The following GAP43 variants were observed in gnomAD, a reference collection of about 807,000 sequenced individuals.
GAP43 encodes neuromodulin.
Under a neutral mutation model 18.6 loss-of-function variants are expected in GAP43, and 6 were observed. That is an observed-to-expected ratio of 0.32 (90% CI 0.18 to 0.64). GAP43 has a LOEUF of 0.64. Ranked by LOEUF, GAP43 falls within the 30% of genes least tolerant of loss-of-function variation. The pLI is 0.78. For synonymous variants in GAP43, 115 were observed against 111.4 expected (o/e 1.03, Z -0.20); for missense variants, 292 against 295.5 (o/e 0.99, Z 0.09).
At chr3:115,624,341 G>A (rs549372206) in intron 1 of GAP43, among the ~76,000 whole-genome samples, 27 of 151,900 alleles carry the variant, frequency 1.8e-4, no homozygotes, top group African/African-American at 5.8e-4. Context: ...ACTGGGGCTG[G>A]GGGAGAAATT....
intron 1 of GAP43, among the ~76,000 whole-genome samples, chr3:115,668,788 C>A (rs1465011636): frequency 6.6e-6 from 1 of 152,028 alleles, no homozygotes; most frequent in Non-Finnish European, 1.5e-5. Context: ...ACTGTAATCC[C>A]AGCACTTTGG....
At chr3:115,663,882 A>G (rs993044381) in intron 1 of GAP43, 2 of 1,552,120 alleles carry the variant, frequency 1.3e-6, no homozygotes, top group Non-Finnish European at 1.7e-6. Flanking sequence ...CCTAGTCCTT[A>G]TTCACTTGGC....
chr3:115,701,138 A>G (rs556063084), intron 2 of GAP43, among the ~76,000 whole-genome samples: 1 of 152,280 alleles, frequency 6.6e-6, no homozygotes, highest in African/African-American at 2.4e-5. Flanking sequence ...TTAAGTGACT[A>G]TTTTAGCTAC....
At chr3:115,659,390 G>C (rs1438591241) in intron 1 of GAP43, among the ~76,000 whole-genome samples, 1 of 152,070 alleles carries the variant, frequency 6.6e-6, no homozygotes, top group African/African-American at 2.4e-5. Context: ...TCGGGGGGGA[G>C]GGTAAACGAA....
chr3:115,635,767 A>G (rs1296925403), intron 1 of GAP43, among the ~76,000 whole-genome samples: 2 of 152,016 alleles, frequency 1.3e-5, no homozygotes, highest in Admixed American at 6.6e-5. Flanking sequence ...TTAAATATGC[A>G]TAACCAAACT....
At chr3:115,715,446 A>G (rs1001034030) in intron 2 of GAP43, among the ~76,000 whole-genome samples, 2 of 152,056 alleles carry the variant, frequency 1.3e-5, no homozygotes, top group East Asian at 1.9e-4. Flanking sequence ...TCACACTTCA[A>G]TCTTCTAGAC....
chr3:115,715,758 G>C (rs1709495008), intron 2 of GAP43, among the ~76,000 whole-genome samples: 1 of 152,122 alleles, frequency 6.6e-6, no homozygotes, highest in Non-Finnish European at 1.5e-5. Context: ...TGCTTTTAAT[G>C]GTACAATTTT....
At chr3:115,714,380 T>TGTCA in intron 2 of GAP43, among the ~76,000 whole-genome samples, 1 of 152,310 alleles carries the variant, frequency 6.6e-6, no homozygotes, top group South Asian at 2.1e-4. Context: ...GCAATGTTTT[T>TGTCA]GTCAAGGCTA....
At chr3:115,636,198 GAACT>G (rs1194690688) in intron 1 of GAP43, among the ~76,000 whole-genome samples, 8 of 151,836 alleles carry the variant, frequency 5.3e-5, no homozygotes, top group African/African-American at 1.7e-4. Context: ...GTGTCATGTT[GAACT>G]AACTATCTTC....
At chr3:115,713,731 C>G (rs1292364151) in intron 2 of GAP43, among the ~76,000 whole-genome samples, 1 of 152,210 alleles carries the variant, frequency 6.6e-6, no homozygotes, top group Non-Finnish European at 1.5e-5. Context: ...GTGAAATTGT[C>G]CACTTAATCC....
chr3:115,676,460 C>G lies in GAP43; in HGVS notation c.478C>G (p.Pro160Ala). 6.2e-7 allele frequency: 1 copy of G among 1,614,130 alleles called. No individual in the cohort carries two copies. Among genetic ancestry groups the G allele is most frequent in the Non-Finnish European group, 8.5e-7 (1 of 1,180,020 alleles). Residue 160 changes from proline to alanine, a missense_variant, in exon 2 of 3, where the codon CCA (proline) becomes GCA (alanine). Pro to Ala is a conservative substitution (Grantham distance 27). Transcript: ENST00000305124. The part of the protein sequence containing the change: ...NSPSSKAEDA[P>A]AKEEPKQADV... ...GCCGTCCTCCAAGGCTGAAGATGCC[C>G]CAGCCAAGGAGGAGCCTAAACAAGC...
chr3:115,699,155 A>G (rs1709263140), intron 2 of GAP43, among the ~76,000 whole-genome samples: 1 of 152,166 alleles, frequency 6.6e-6, no homozygotes, highest in South Asian at 2.1e-4. Context: ...TGAGAATACA[A>G]TCATTCTACC....
chr3:115,648,064 G>C lies in GAP43; in HGVS notation c.30+24345G>C, dbSNP rs1708478929. On this transcript the variant is annotated intron_variant, in intron 1 of 2. Transcript: ENST00000305124. ...AGAAAAGTCTCTGCCAATACATGTG[G>C]TCCATGATCCTTTCAATTTGGCTAA... 2.0e-5 allele frequency among the ~76,000 whole-genome samples: 3 copies of C among 152,120 alleles called. No homozygotes were observed. The South Asian group carries it at 6.2e-4, about 32-fold the overall frequency.
At chr3:115,700,495 T>C (rs1355709120) in intron 2 of GAP43, among the ~76,000 whole-genome samples, 2 of 152,146 alleles carry the variant, frequency 1.3e-5, no homozygotes. Flanking sequence ...CACCTCATGA[T>C]TCTCCATAGC....
At chr3:115,664,670 A>G (rs896888141) in intron 1 of GAP43, among the ~76,000 whole-genome samples, 11 of 152,212 alleles carry the variant, frequency 7.2e-5, no homozygotes, top group Admixed American at 6.5e-4. Context: ...TCCAGTGCCA[A>G]AAATGAAGAG....
intron 2 of GAP43, among the ~76,000 whole-genome samples, chr3:115,705,924 G>A (rs1709357685): frequency 6.6e-6 from 1 of 152,038 alleles, no homozygotes; most frequent in African/African-American, 2.4e-5. Flanking sequence ...AATCATGTTT[G>A]AACAAGATTC....
rs760945403 is a variant in GAP43 at position 115,691,341 on chromosome 3, G to A, written c.628+14731G>A. On this transcript the variant is annotated intron_variant, in intron 2 of 2. Coordinates refer to ENST00000305124, the MANE Select transcript of GAP43 (RefSeq NM_002045.4). ...TGCAGTGGAGGAGAAATATCAGAGCGATCTTGGAATCGGACCTATCTATGT... is the reference window on the plus strand; with the variant it reads ...TGCAGTGGAGGAGAAATATCAGAGCAATCTTGGAATCGGACCTATCTATGT... Among the ~76,000 whole-genome samples the A allele has an allele frequency of 4.6e-5, 7 of 152,300 alleles. No homozygotes were observed. In the East Asian group the frequency reaches 7.7e-4, roughly 17 times the overall value.
chr3:115,685,652 C>T, intron 2 of GAP43, among the ~76,000 whole-genome samples: 1 of 152,164 alleles, frequency 6.6e-6, no homozygotes, highest in East Asian at 1.9e-4. Flanking sequence ...TAAAGTCACC[C>T]TCATGTATTT....
chr3:115,696,321 C>A (rs1709188781), intron 2 of GAP43, among the ~76,000 whole-genome samples: 1 of 152,090 alleles, frequency 6.6e-6, no homozygotes, highest in Non-Finnish European at 1.5e-5. Flanking sequence ...AAAATTATTC[C>A]TTTTTTTCTT....
Sources: allele counts gnomAD v4.1 joint callset (sites outside exome capture counted in the v4.1 genomes callset), GRCh38; gene constraint gnomAD v4.1.1; transcripts MANE v1.5; gene names NCBI Gene and HGNC (gene_info 2026-07-23, HGNC 2026-07-21).